The following PAK3 variants were observed in gnomAD, a reference collection of about 807,000 sequenced individuals.
PAK3 encodes serine/threonine-protein kinase PAK 3.
In PAK3, 4 loss-of-function variants were observed where a neutral mutation model predicts 41.0. The observed-to-expected ratio is 0.10, with a 90% CI of 0.05 to 0.22. The LOEUF is 0.22. PAK3 is among the 10% of genes least tolerant of loss of function. PAK3 has a pLI of 1.00. For missense variants in PAK3, 205 were observed against 409.9 expected (o/e 0.50, Z 4.32); for synonymous variants, 146 against 139.6 (o/e 1.05, Z -0.32).
At chrX:110,967,958 G>A (rs191770273) in intron 1 of PAK3, among the ~76,000 whole-genome samples, 6 of 111,940 alleles carry the variant, frequency 5.4e-5, no homozygotes, top group Middle Eastern at 4.6e-3. Context: ...GATCTCCCTC[G>A]TCACATACTA....
intron 16 of PAK3, among the ~76,000 whole-genome samples, chrX:111,208,337 G>C (rs2094778227): frequency 8.9e-6 from 1 of 111,780 alleles, no homozygotes; most frequent in Admixed American, 9.4e-5. Context: ...ATTTAGTGTA[G>C]CCTAAGTGTA....
At chrX:110,986,887 T>C (rs761858319) in intron 1 of PAK3, among the ~76,000 whole-genome samples, 1 of 111,256 alleles carries the variant, frequency 9.0e-6, no homozygotes, top group African/African-American at 3.3e-5. Flanking sequence ...GTGAAAAATG[T>C]TAGAATCAAT....
chrX:111,202,296 G>A (rs1278537341), intron 16 of PAK3, among the ~76,000 whole-genome samples: 2 of 111,510 alleles, frequency 1.8e-5, no homozygotes, highest in Non-Finnish European at 3.8e-5. Context: ...TTCATAAAAT[G>A]CCTTTTAAAG....
chrX:111,101,176 T>A (rs1289484957), intron 3 of PAK3, among the ~76,000 whole-genome samples: 1 of 111,990 alleles, frequency 8.9e-6, no homozygotes, highest in Admixed American at 9.4e-5. Flanking sequence ...CATGTCATGG[T>A]AGATATGACA....
At chrX:110,992,846 A>C (rs1256341620) in intron 1 of PAK3, among the ~76,000 whole-genome samples, 1 of 111,765 alleles carries the variant, frequency 8.9e-6, no homozygotes, top group Non-Finnish European at 1.9e-5. Flanking sequence ...GCAACCCAGA[A>C]TAAGTGCATA....
At chrX:110,972,828 C>T (rs1200950057) in intron 1 of PAK3, among the ~76,000 whole-genome samples, 1 of 111,140 alleles carries the variant, frequency 9.0e-6, no homozygotes, top group Non-Finnish European at 1.9e-5. Flanking sequence ...AAAGATTAGA[C>T]GAATGGCTAA....
At chrX:111,084,076 T>C (rs915811256) in intron 1 of PAK3, among the ~76,000 whole-genome samples, 5 of 113,052 alleles carry the variant, frequency 4.4e-5, no homozygotes, top group Non-Finnish European at 7.5e-5. Context: ...TGATTAATCA[T>C]ACATTAAAAA....
upstream of PAK3, among the ~76,000 whole-genome samples, chrX:111,093,116 T>C (rs1353469645): frequency 8.9e-6 from 1 of 111,853 alleles, no homozygotes; most frequent in Admixed American, 9.5e-5. Context: ...CTAGTTGGGT[T>C]GGTAAAGACC....
intron 1 of PAK3, among the ~76,000 whole-genome samples, chrX:111,037,249 C>T (rs1479506699): frequency 8.9e-6 from 1 of 111,833 alleles, no homozygotes; most frequent in African/African-American, 3.3e-5. Context: ...CCAGCCAAGT[C>T]TTAGTATTTT....
intron 1 of PAK3, among the ~76,000 whole-genome samples, chrX:111,020,093 G>A (rs180874009): frequency 1.2e-3 from 129 of 111,927 alleles, no homozygotes; most frequent in Non-Finnish European, 2.0e-3. Flanking sequence ...TTGAAAGCAG[G>A]GACTTCAGTA....
At chrX:111,174,314 A>T (rs1263344416) in intron 11 of PAK3, among the ~76,000 whole-genome samples, 1 of 111,225 alleles carries the variant, frequency 9.0e-6, no homozygotes, top group African/African-American at 3.3e-5. Context: ...GCTAGAGAAA[A>T]GGAGAGGCAC....
intron 7 of PAK3, 98 bp downstream of exon 7, chrX:111,147,988 C>G: frequency 9.9e-6 from 7 of 704,833 alleles, no homozygotes; most frequent in Non-Finnish European, 1.3e-5. Flanking sequence ...GAAATCGATT[C>G]TAGTACCTTC....
intron 1 of PAK3, among the ~76,000 whole-genome samples, chrX:110,991,892 C>T (rs2091655523): frequency 9.0e-6 from 1 of 111,161 alleles, no homozygotes; most frequent in Admixed American, 9.5e-5. Flanking sequence ...AAAAAAAACA[C>T]ACAGGACAGG....
chrX:111,196,861 T>C (rs1038390883), intron 16 of PAK3, among the ~76,000 whole-genome samples: 1 of 107,952 alleles, frequency 9.3e-6, no homozygotes, highest in Non-Finnish European at 1.9e-5. Context: ...TTTCTTTTTT[T>C]TTTTTTTTTT....
At chrX:111,049,213 T>C (rs2092531387) in intron 1 of PAK3, among the ~76,000 whole-genome samples, 1 of 111,913 alleles carries the variant, frequency 8.9e-6, no homozygotes, top group African/African-American at 3.2e-5. Flanking sequence ...TCAGAAAGAG[T>C]TTTCTTCACC....
chrX:111,179,833 C>A (rs1161389871), intron 11 of PAK3, among the ~76,000 whole-genome samples: 1 of 111,732 alleles, frequency 8.9e-6, no homozygotes, highest in East Asian at 2.8e-4. Flanking sequence ...TTAACTTGCT[C>A]TTCTAACTTC....
At chrX:111,198,323 A>G (rs1327314492) in intron 16 of PAK3, among the ~76,000 whole-genome samples, 7 of 112,647 alleles carry the variant, frequency 6.2e-5, no homozygotes, top group African/African-American at 2.3e-4. Flanking sequence ...GAAGCTCTTC[A>G]GTTAAATGAA....
intron 1 of PAK3, among the ~76,000 whole-genome samples, chrX:110,995,830 T>C (rs945428359): frequency 1.8e-5 from 2 of 111,580 alleles, no homozygotes; most frequent in Admixed American, 9.6e-5. Flanking sequence ...ACCAAGCTCA[T>C]CCCTGCTTCA....
At chrX:110,977,911 C>T (rs781657261) in intron 1 of PAK3, among the ~76,000 whole-genome samples, 1 of 111,795 alleles carries the variant, frequency 8.9e-6, no homozygotes, top group African/African-American at 3.2e-5. Flanking sequence ...CATAATTGTC[C>T]TGGCTACAGC....
Sources: gnomAD v4.1 joint callset for allele counts (sites outside exome capture counted in the v4.1 genomes callset) on GRCh38, gnomAD v4.1.1 for gene constraint, MANE v1.5 for transcripts, NCBI Gene and HGNC (gene_info 2026-07-23, HGNC 2026-07-21) for gene names.